The following ACER2 variants were observed in gnomAD, a reference collection of about 807,000 sequenced individuals.
ACER2 encodes alkaline ceramidase 2.
Under a neutral mutation model 34.7 loss-of-function variants are expected in ACER2, and 26 were observed. That is an observed-to-expected ratio of 0.75 (90% CI 0.55 to 1.04). The LOEUF is 1.04. Ranked by LOEUF, ACER2 falls within the 50% of genes least tolerant of loss-of-function variation. The pLI is 0.00. For synonymous variants in ACER2, 138 were observed against 132.1 expected (o/e 1.04, Z -0.31); for missense variants, 352 against 340.8 (o/e 1.03, Z -0.26).
At chr9:19,445,788 C>A (rs1377317578) in intron 4 of ACER2, among the ~76,000 whole-genome samples, 2 of 152,174 alleles carry the variant, frequency 1.3e-5, no homozygotes, top group African/African-American at 4.8e-5. Flanking sequence ...TTGGCTTTCC[C>A]TCTGGTTAAA....
intron 5 of ACER2, among the ~76,000 whole-genome samples, chr9:19,449,568 C>T (rs374708030): frequency 1.3e-5 from 2 of 152,020 alleles, no homozygotes; most frequent in African/African-American, 4.8e-5. Context: ...TCCCCTCCTC[C>T]CCAACATCAA....
intron 2 of ACER2, chr9:19,424,302 A>G (rs1161907948): frequency 7.5e-6 from 7 of 932,710 alleles, no homozygotes; most frequent in Non-Finnish European, 9.0e-6. Context: ...ATTAAAGAAA[A>G]AAATGTAGAT....
chr9:19,427,823 C>T lies in ACER2; in HGVS notation c.365+2982C>T, dbSNP rs373367114. Among the ~76,000 whole-genome samples, 521 of 151,922 alleles carry T rather than the reference C, an allele frequency of 3.4e-3. 2 individuals carry two copies. The highest frequency in any genetic ancestry group is 0.012 in the African/African-American group (488 of 41,398). Reference sequence around the variant, plus strand: ...CTGGGACTACAGGCGCCCGCCACCACGCCTGGCTAATTTTTTGTATTTTTA... The same window carrying T: ...CTGGGACTACAGGCGCCCGCCACCATGCCTGGCTAATTTTTTGTATTTTTA... On this transcript the variant is annotated intron_variant, in intron 3 of 5. Coordinates refer to ENST00000340967, the MANE Select transcript of ACER2 (RefSeq NM_001010887.3).
At chr9:19,423,735 A>C in intron 1 of ACER2, 127 bp from the exon 2 acceptor site, 1 of 701,424 alleles carries the variant, frequency 1.4e-6, no homozygotes, top group Non-Finnish European at 2.5e-6. Context: ...GAAAAAGTGC[A>C]AGAGCTTAAA....
intron 5 of ACER2, among the ~76,000 whole-genome samples, chr9:19,449,882 A>G (rs1435177918): frequency 7.7e-6 from 1 of 129,224 alleles, no homozygotes; most frequent in Non-Finnish European, 1.6e-5. Context: ...ACAGGGTGAG[A>G]CTTCATTTAA....
intron 1 of ACER2, among the ~76,000 whole-genome samples, chr9:19,419,017 T>A (rs995187427): frequency 2.0e-5 from 3 of 152,038 alleles, no homozygotes; most frequent in Non-Finnish European, 4.4e-5. Context: ...TGAAACCCCA[T>A]CTCTACTATA....
chr9:19,443,323 C>T (rs561178734), intron 4 of ACER2, among the ~76,000 whole-genome samples: 3 of 152,124 alleles, frequency 2.0e-5, no homozygotes, highest in South Asian at 2.1e-4. Flanking sequence ...TGAGCCACCA[C>T]GCCCGGCACA....
At chr9:19,442,168 A>T (rs956294377) in intron 4 of ACER2, among the ~76,000 whole-genome samples, 1 of 152,170 alleles carries the variant, frequency 6.6e-6, no homozygotes, top group African/African-American at 2.4e-5. Flanking sequence ...AGTAACTCAG[A>T]TACATTGATA....
At chr9:19,413,234 T>C (rs1011456038) in intron 1 of ACER2, among the ~76,000 whole-genome samples, 4 of 152,250 alleles carry the variant, frequency 2.6e-5, no homozygotes, top group African/African-American at 9.6e-5. Flanking sequence ...AGCCTTTTAC[T>C]TGTGCACATT....
At chr9:19,409,793 C>T (rs1216634039) in intron 1 of ACER2, 2 of 985,098 alleles carry the variant, frequency 2.0e-6, no homozygotes, top group Non-Finnish European at 2.4e-6. Flanking sequence ...TTGTGCAAGC[C>T]GCTAATTCAA....
rs557361764 is a variant in ACER2, at chr9:19,441,109, A to G, written c.504-5172A>G. Among the ~76,000 whole-genome samples, 297 of 146,692 alleles carry G rather than the reference A, an allele frequency of 2.0e-3. 1 individual carries two copies. The highest frequency in any genetic ancestry group is 7.2e-3 in the Middle Eastern group (2 of 278). On this transcript the variant is annotated intron_variant, in intron 4 of 5. Coordinates refer to ENST00000340967, the MANE Select transcript of ACER2 (RefSeq NM_001010887.3). ...GTCACCCAGGCTGGAGTGCAGTGGCATGATCTCACAGCTCACTGCAACCTC... is the reference window on the plus strand; with the variant it reads ...GTCACCCAGGCTGGAGTGCAGTGGCGTGATCTCACAGCTCACTGCAACCTC...
At chr9:19,445,153 C>G (rs1779009651) in intron 4 of ACER2, among the ~76,000 whole-genome samples, 1 of 152,230 alleles carries the variant, frequency 6.6e-6, no homozygotes, top group African/African-American at 2.4e-5. Flanking sequence ...CCACCAGCTG[C>G]CCCCAGGTGT....
intron 3 of ACER2, among the ~76,000 whole-genome samples, chr9:19,425,303 G>C (rs1348359582): frequency 1.3e-5 from 2 of 151,910 alleles, no homozygotes; most frequent in Non-Finnish European, 2.9e-5. Context: ...TTTTGCTTCA[G>C]ATGAGAGCTG....
At chr9:19,446,248 TG>T (rs758549151) in intron 4 of ACER2, 32 bp from the exon 5 acceptor site, 20 of 1,613,984 alleles carry the variant, frequency 1.2e-5, no homozygotes, top group Non-Finnish European at 1.7e-5. Flanking sequence ...AGACAAGGTC[TG>T]ACGATGAGTG....
chr9:19,443,498 G>A (rs1009474635), intron 4 of ACER2, among the ~76,000 whole-genome samples: 1 of 152,070 alleles, frequency 6.6e-6, no homozygotes, highest in African/African-American at 2.4e-5. Flanking sequence ...ATAATGTTCT[G>A]CCCAAATTAC....
chr9:19,428,207 GC>G (rs1209818303), intron 3 of ACER2, among the ~76,000 whole-genome samples: 1 of 148,932 alleles, frequency 6.7e-6, no homozygotes, highest in Non-Finnish European at 1.5e-5. Context: ...CACTCTTATT[GC>G]CCGGGCTGGA....
chr9:19,430,460 G>T (rs779960145), intron 3 of ACER2, among the ~76,000 whole-genome samples: 12 of 152,102 alleles, frequency 7.9e-5, no homozygotes, highest in African/African-American at 2.9e-4. Flanking sequence ...CTTACTCCTG[G>T]ATATTTCTAG....
At chr9:19,435,213 G>A (rs910145024) in intron 4 of ACER2, 129 bp downstream of exon 4, 3 of 1,187,656 alleles carry the variant, frequency 2.5e-6, no homozygotes, top group South Asian at 1.6e-5. Flanking sequence ...GCTGACTGTT[G>A]GATGGAAGCA....
chr9:19,422,933 G>A (rs1346739020), intron 1 of ACER2, among the ~76,000 whole-genome samples: 4 of 151,584 alleles, frequency 2.6e-5, no homozygotes, highest in African/African-American at 4.9e-5. Flanking sequence ...TCGGGAGGCT[G>A]AGGCAGGAGA....
Sources: gnomAD v4.1 joint callset for allele counts (sites outside exome capture counted in the v4.1 genomes callset) on GRCh38, gnomAD v4.1.1 for gene constraint, MANE v1.5 for transcripts, NCBI Gene and HGNC (gene_info 2026-07-23, HGNC 2026-07-21) for gene names.